Variants in RELN observed in about 807,000 individuals in gnomAD.
RELN encodes reelin.
Under a neutral mutation model 427.6 loss-of-function variants are expected in RELN, and 108 were observed. The ratio of observed to expected loss-of-function variants is 0.25; its 90% CI spans 0.22 to 0.30. The LOEUF is 0.30. RELN is among the 10% of genes least tolerant of loss of function. The pLI is 1.00. For missense variants in RELN, 3,715 were observed against 4,302.8 expected (o/e 0.86, Z 3.82); for synonymous variants, 1,524 against 1,513.4 (o/e 1.01, Z -0.16).
chr7:103,915,185 G>GT (rs1441250667), intron 2 of RELN, among the ~76,000 whole-genome samples: 1 of 151,966 alleles, frequency 6.6e-6, no homozygotes, highest in Admixed American at 6.6e-5. Context: ...TGGGTATGCT[G>GT]TGCCCCACCA....
chr7:103,675,199 C>A (rs948823371), intron 11 of RELN, among the ~76,000 whole-genome samples: 1 of 152,140 alleles, frequency 6.6e-6, no homozygotes, highest in Non-Finnish European at 1.5e-5. Flanking sequence ...ACTCAGCATA[C>A]AAAATCAATG....
At chr7:103,639,360 C>A (rs376004999) in intron 17 of RELN, among the ~76,000 whole-genome samples, 2 of 151,708 alleles carry the variant, frequency 1.3e-5, no homozygotes, top group Admixed American at 1.3e-4. Flanking sequence ...TGTCAACAAG[C>A]GCTTGGCTCA....
intron 3 of RELN, among the ~76,000 whole-genome samples, chr7:103,827,134 C>T (rs1478428031): frequency 6.6e-6 from 1 of 151,668 alleles, no homozygotes; most frequent in African/African-American, 2.4e-5. Context: ...GCATAAAATT[C>T]CATAGAAACA....
chr7:103,769,756 A>C (rs144235587), intron 4 of RELN, among the ~76,000 whole-genome samples: 67 of 152,330 alleles, frequency 4.4e-4, no homozygotes, highest in African/African-American at 1.6e-3. Context: ...CATCAACTTC[A>C]GACAAGGCTA....
chr7:103,836,587 T>C (rs1793415230), intron 2 of RELN, among the ~76,000 whole-genome samples: 1 of 152,142 alleles, frequency 6.6e-6, no homozygotes, highest in African/African-American at 2.4e-5. Context: ...GCCCACCTTC[T>C]TGCACTCTGC....
intron 2 of RELN, among the ~76,000 whole-genome samples, chr7:103,885,625 A>G (rs1024708768): frequency 1.3e-5 from 2 of 152,138 alleles, no homozygotes; most frequent in African/African-American, 4.8e-5. Context: ...CATTAGGAGA[A>G]ATACGTAATG....
rs1402848693 is a variant in RELN at position 103,611,724 on chromosome 7, T to C, written c.2782A>G (p.Ile928Val). The stretch of plus-strand genomic sequence containing the variant: ...CATCCCATCACCAAACTGAACTGAA[T>C]CATATAGGATGCTCCTATCTGCATT... ...QSMQIGASYM[I>V]QFSLVMGCGQ... is the part of the protein sequence containing the mutation. Residue 928 changes from isoleucine (I) to valine (V), a missense_variant, in exon 21 of 65, where the codon ATT (isoleucine) becomes GTT (valine). Around this residue, in one of 4 missense-constraint regions of RELN, gnomAD observed 2,208 missense variants for 2,361.7 expected, o/e 0.93. Coordinates refer to ENST00000428762, the MANE Select transcript of RELN (RefSeq NM_005045.4). 6.2e-7 allele frequency: 1 copy of C among 1,613,870 alleles called. No individual in the cohort carries two copies. Among genetic ancestry groups the C allele is most frequent in the Non-Finnish European group, 8.5e-7 (1 of 1,179,850 alleles).
chr7:103,804,578 T>A (rs1303879570), intron 3 of RELN, among the ~76,000 whole-genome samples: 1 of 152,146 alleles, frequency 6.6e-6, no homozygotes, highest in African/African-American at 2.4e-5. Flanking sequence ...TGGTCATAAA[T>A]AATGCGTAGT....
chr7:103,491,375 T>A (rs1211159553), intron 58 of RELN, among the ~76,000 whole-genome samples: 2 of 152,206 alleles, frequency 1.3e-5, no homozygotes, highest in Non-Finnish European at 2.9e-5. Context: ...AGTGCTTTGC[T>A]TATTTTGATA....
intron 36 of RELN, among the ~76,000 whole-genome samples, chr7:103,558,970 T>A (rs568044083): frequency 1.3e-5 from 2 of 152,316 alleles, no homozygotes; most frequent in South Asian, 2.1e-4. Context: ...ACATTATAGA[T>A]CACGTTCCTC....
intron 28 of RELN, among the ~76,000 whole-genome samples, chr7:103,586,922 T>C (rs2117232972): frequency 6.6e-6 from 1 of 152,232 alleles, no homozygotes; most frequent in African/African-American, 2.4e-5. Flanking sequence ...TGCTCATGGA[T>C]TGAAGAATCA....
chr7:103,506,267 C>T (rs1454503179), intron 51 of RELN, among the ~76,000 whole-genome samples: 3 of 152,048 alleles, frequency 2.0e-5, no homozygotes, highest in South Asian at 2.1e-4. Flanking sequence ...GTCAGATTCA[C>T]CAAGGTTGAA....
chr7:103,534,494 ATT>A (rs11309253), intron 46 of RELN, among the ~76,000 whole-genome samples: 5 of 150,238 alleles, frequency 3.3e-5, no homozygotes, highest in Non-Finnish European at 1.5e-5. Flanking sequence ...TTAATTTTTA[ATT>A]TTTTTTTTTG....
At chr7:103,975,265 T>C (rs1212950128) in intron 1 of RELN, among the ~76,000 whole-genome samples, 1 of 152,220 alleles carries the variant, frequency 6.6e-6, no homozygotes, top group African/African-American at 2.4e-5. Flanking sequence ...AGTGCTATTC[T>C]TGCTCACTGA....
intron 12 of RELN, among the ~76,000 whole-genome samples, chr7:103,657,904 T>C (rs926265380): frequency 6.6e-6 from 1 of 152,134 alleles, no homozygotes; most frequent in African/African-American, 2.4e-5. Flanking sequence ...TTTTAAAATA[T>C]TTTAAATATT....
chr7:103,622,793 C>T lies in RELN; in HGVS notation c.2702+7147G>A, dbSNP rs183945434. Among the ~76,000 whole-genome samples the T allele has an allele frequency of 8.1e-4, 124 of 152,258 alleles. 2 individuals are homozygous for T. The highest frequency in any genetic ancestry group is 6.0e-3 in the Admixed American group (92 of 15,286). On this transcript the variant is annotated intron_variant, in intron 20 of 64. Transcript: ENST00000428762. ...TCTCTTACCCTAACAGCACTTATCA[C>T]GGTCTGGAATATTATCTGGAATATT... is the stretch of plus-strand genomic sequence containing the variant.
chr7:103,727,262 G>A (rs1031238956), intron 7 of RELN, among the ~76,000 whole-genome samples: 4 of 152,044 alleles, frequency 2.6e-5, no homozygotes, highest in Non-Finnish European at 4.4e-5. Context: ...CTCTGAAAGG[G>A]AAGATGTGGG....
At chr7:103,869,871 A>G (rs1159988159) in intron 2 of RELN, among the ~76,000 whole-genome samples, 1 of 152,084 alleles carries the variant, frequency 6.6e-6, no homozygotes, top group Admixed American at 6.6e-5. Flanking sequence ...TGGAAGTCCT[A>G]TTCTTCATAT....
At chr7:103,673,712 C>T (rs1206711162) in intron 11 of RELN, among the ~76,000 whole-genome samples, 1 of 152,012 alleles carries the variant, frequency 6.6e-6, no homozygotes, top group African/African-American at 2.4e-5. Flanking sequence ...AATTTTACAA[C>T]TCACATAATT....
Sources: allele counts gnomAD v4.1 joint callset (sites outside exome capture counted in the v4.1 genomes callset), GRCh38; gene constraint gnomAD v4.1.1; regional missense constraint gnomAD v4.1.1; transcripts MANE v1.5; gene names NCBI Gene and HGNC (gene_info 2026-07-23, HGNC 2026-07-21).